CFAP47: variants seen among roughly 807,000 people sequenced by gnomAD.
CFAP47 encodes the protein cilia- and flagella-associated protein 47.
CFAP47 carries 29 observed loss-of-function variants against 148.1 expected under a neutral mutation model. The observed-to-expected ratio is 0.20, with a 90% CI of 0.15 to 0.27. The LOEUF is 0.27. CFAP47 is among the 10% of genes least tolerant of loss of function. CFAP47 has a pLI of 1.00. For missense variants in CFAP47, 1,872 were observed against 1,697.5 expected (o/e 1.10, Z -1.81); for synonymous variants, 664 against 577.3 (o/e 1.15, Z -2.15).
intron 40 of CFAP47, among the ~76,000 whole-genome samples, chrX:36,184,812 A>G (rs1186821797): frequency 9.1e-6 from 1 of 110,092 alleles, no homozygotes; most frequent in East Asian, 2.9e-4. Flanking sequence ...TCATGCCTGT[A>G]ATCCCTGCTA....
intron 33 of CFAP47, among the ~76,000 whole-genome samples, chrX:36,125,082 G>A (rs778696519): frequency 9.0e-5 from 10 of 111,226 alleles, no homozygotes; most frequent in Admixed American, 1.9e-4. Context: ...ACCATATACC[G>A]AAAATGAATA....
chrX:35,960,740 T>C (rs1426451669), intron 8 of CFAP47, among the ~76,000 whole-genome samples: 1 of 111,613 alleles, frequency 9.0e-6, no homozygotes, highest in Non-Finnish European at 1.9e-5. Context: ...TTTGCTGAAC[T>C]CATTTATTAG....
At chrX:36,364,096 T>C (rs1556019740) in intron 61 of CFAP47, among the ~76,000 whole-genome samples, 2 of 111,369 alleles carry the variant, frequency 1.8e-5, no homozygotes, top group African/African-American at 6.5e-5. Context: ...TATTTCAGAG[T>C]TTGTGGGTGG....
intron 2 of CFAP47, among the ~76,000 whole-genome samples, chrX:35,928,621 A>G (rs763811852): frequency 1.1e-4 from 12 of 110,114 alleles, no homozygotes; most frequent in African/African-American, 3.6e-4. Context: ...CATCCTTTTA[A>G]CTGGGTATTT....
intron 25 of CFAP47, among the ~76,000 whole-genome samples, chrX:36,046,125 A>T (rs1937462806): frequency 9.0e-6 from 1 of 111,118 alleles, no homozygotes; most frequent in African/African-American, 3.2e-5. Context: ...TGATTAAAAT[A>T]GCAAGGATAT....
chrX:36,349,199 A>G (rs782814975), intron 58 of CFAP47, among the ~76,000 whole-genome samples: 26 of 111,967 alleles, frequency 2.3e-4, no homozygotes, highest in African/African-American at 8.1e-4. Context: ...TCTTGCCTGC[A>G]ATGTCTTGTC....
intron 57 of CFAP47, among the ~76,000 whole-genome samples, chrX:36,325,271 C>T (rs1374849892): frequency 9.0e-6 from 1 of 111,366 alleles, no homozygotes; most frequent in Non-Finnish European, 1.9e-5. Flanking sequence ...GTCCTTACAA[C>T]ACTATAAGAT....
chrX:36,118,996 G>A (rs1938692596), intron 33 of CFAP47, among the ~76,000 whole-genome samples: 1 of 111,897 alleles, frequency 8.9e-6, no homozygotes, highest in East Asian at 2.8e-4. Flanking sequence ...TTCTCCAAAT[G>A]TAAGATCATA....
intron 1 of CFAP47, among the ~76,000 whole-genome samples, chrX:35,924,085 G>C: frequency 1.2e-5 from 1 of 80,598 alleles, no homozygotes; most frequent in Non-Finnish European, 2.4e-5. Flanking sequence ...ATATGTACAT[G>C]TATGCGTACA....
intron 2 of CFAP47, among the ~76,000 whole-genome samples, chrX:35,937,618 A>G (rs1935937242): frequency 9.0e-6 from 1 of 110,824 alleles, no homozygotes; most frequent in Non-Finnish European, 1.9e-5. Flanking sequence ...GTTTCTCTCC[A>G]TTAGATTGTA....
At chrX:36,045,638 G>A in intron 25 of CFAP47, among the ~76,000 whole-genome samples, 1 of 111,694 alleles carries the variant, frequency 9.0e-6, no homozygotes, top group Non-Finnish European at 1.9e-5. Flanking sequence ...CAAAACTTTG[G>A]GATTTGCAGT....
intron 55 of CFAP47, among the ~76,000 whole-genome samples, chrX:36,308,544 G>A (rs782649001): frequency 1.8e-5 from 2 of 111,523 alleles, no homozygotes; most frequent in African/African-American, 6.5e-5. Flanking sequence ...TTTTGAAAAT[G>A]TGGTATGCAT....
intron 42 of CFAP47, among the ~76,000 whole-genome samples, chrX:36,192,376 A>T (rs56165720): frequency 4.5e-5 from 5 of 110,240 alleles, no homozygotes; most frequent in African/African-American, 1.7e-4. Flanking sequence ...ACCTTTTAGG[A>T]GGAGGGGTTG....
intron 15 of CFAP47, among the ~76,000 whole-genome samples, chrX:35,983,909 T>G (rs1936680088): frequency 8.9e-6 from 1 of 111,878 alleles, no homozygotes; most frequent in African/African-American, 3.3e-5. Context: ...TCAAGGATAT[T>G]GGCCTGAAGT....
intron 48 of CFAP47, among the ~76,000 whole-genome samples, chrX:36,239,621 G>A (rs6632530): frequency 0.13 from 13,993 of 111,671 alleles, 685 homozygotes; most frequent in East Asian, 0.26. Flanking sequence ...AAAATATTTA[G>A]CAGCAATGGT....
intron 33 of CFAP47, among the ~76,000 whole-genome samples, chrX:36,129,175 T>C (rs777171468): frequency 7.2e-5 from 8 of 111,098 alleles, no homozygotes; most frequent in African/African-American, 2.6e-4. Context: ...GAATGAGATT[T>C]TGTAACATAT....
At chrX:36,139,028 G>A (rs1939095979) in intron 35 of CFAP47, among the ~76,000 whole-genome samples, 1 of 110,436 alleles carries the variant, frequency 9.1e-6, no homozygotes, top group African/African-American at 3.3e-5. Flanking sequence ...GCAATAAAAT[G>A]GTAAAATAAA....
At chrX:36,133,916 C>T (rs778153650) in intron 33 of CFAP47, among the ~76,000 whole-genome samples, 8 of 109,115 alleles carry the variant, frequency 7.3e-5, no homozygotes, top group Admixed American at 2.0e-4. Flanking sequence ...AAATCCCAAA[C>T]AATCTATAAA....
At chrX:36,152,116 CT>C (rs369093676) in intron 37 of CFAP47, among the ~76,000 whole-genome samples, 13 of 108,019 alleles carry the variant, frequency 1.2e-4, no homozygotes, top group African/African-American at 4.4e-4. Context: ...TTTCTTCTCT[CT>C]TTTTTTTTAG....
Sources: allele counts gnomAD v4.1 joint callset (sites outside exome capture counted in the v4.1 genomes callset), GRCh38; gene constraint gnomAD v4.1.1; transcripts MANE v1.5; gene names NCBI Gene and HGNC (gene_info 2026-07-23, HGNC 2026-07-21).